The following SNX13 variants were observed in gnomAD, a reference collection of about 807,000 sequenced individuals.
SNX13 encodes the protein sorting nexin-13.
SNX13 carries 45 observed loss-of-function variants against 133.6 expected under a neutral mutation model. The observed-to-expected ratio is 0.34, with a 90% CI of 0.27 to 0.43. SNX13 has a LOEUF of 0.43. Among genes scored for constraint, SNX13 ranks in the 20% least tolerant of loss-of-function variants. The pLI is 1.00. For synonymous variants in SNX13, 414 were observed against 373.9 expected (o/e 1.11, Z -1.24); for missense variants, 1,032 against 1,145.1 (o/e 0.90, Z 1.43).
chr7:17,886,196 G>A (rs890380925), intron 5 of SNX13, among the ~76,000 whole-genome samples: 1 of 151,936 alleles, frequency 6.6e-6, no homozygotes, highest in African/African-American at 2.4e-5. Flanking sequence ...CACAGCCAGC[G>A]AATCCTGAAA....
rs1174886890 is a variant in SNX13, at chr7:17,890,366, G to C, written c.437C>G (p.Thr146Ser). 3 of 1,609,218 alleles carry C rather than the reference G, an allele frequency of 1.9e-6. No individual in the cohort carries two copies. The highest frequency in any genetic ancestry group is 2.2e-5 in the South Asian group (2 of 90,258). ...TLQNALIQFA[T>S]RSKEIDWQPY... ...AAATACAATGTCGTGTCCTTACCTA[G>C]TAGCAAACTGAATGAGTGCGTTTTG... The change falls in exon 5 of 26, where the codon ACT becomes AGT. Residue 146 changes from threonine (T) to serine (S), a missense_variant. By Grantham distance (58) the Thr-to-Ser change is moderately conservative (BLOSUM62 1). Transcript: ENST00000428135.
intron 23 of SNX13, 92 bp downstream of exon 23, chr7:17,798,917 T>A (rs1784339329): frequency 3.5e-6 from 5 of 1,448,132 alleles, no homozygotes; most frequent in Admixed American, 2.3e-5. Flanking sequence ...GAGAAAAAAA[T>A]TCTCCTACAA....
At chr7:17,794,757 A>G (rs1783871818) in intron 25 of SNX13, 1 of 152,040 alleles carries the variant, frequency 6.6e-6, no homozygotes, top group Admixed American at 6.6e-5. Flanking sequence ...ATGAATAGTG[A>G]CAAATGCTGT....
chr7:17,830,717 C>T (rs2691597), intron 15 of SNX13: 521,952 of 974,366 alleles, frequency 0.54, 143,233 homozygotes, highest in African/African-American at 0.82. Context: ...CCTTAGAGTT[C>T]TATTATAAAT....
chr7:17,838,430 A>G (rs1287819446), intron 13 of SNX13, among the ~76,000 whole-genome samples: 2 of 151,856 alleles, frequency 1.3e-5, no homozygotes, highest in African/African-American at 4.8e-5. Context: ...CAGAGAACCA[A>G]CTTTTGGTTT....
intron 8 of SNX13, among the ~76,000 whole-genome samples, chr7:17,870,848 A>C (rs1405725195): frequency 6.6e-6 from 1 of 152,178 alleles, no homozygotes; most frequent in Non-Finnish European, 1.5e-5. Context: ...AAATGCTATG[A>C]AGGAAAACAA....
At chr7:17,912,807 G>C (rs1267470131) in intron 1 of SNX13, among the ~76,000 whole-genome samples, 1 of 152,186 alleles carries the variant, frequency 6.6e-6, no homozygotes, top group Non-Finnish European at 1.5e-5. Flanking sequence ...TCTCAGGCCA[G>C]AGACTGAAGC....
At chr7:17,835,941 A>C (rs1180421740) in intron 13 of SNX13, among the ~76,000 whole-genome samples, 2 of 151,950 alleles carry the variant, frequency 1.3e-5, no homozygotes, top group Non-Finnish European at 2.9e-5. Flanking sequence ...AGAACTAAAC[A>C]GCTTCAAGTA....
intron 18 of SNX13, among the ~76,000 whole-genome samples, chr7:17,816,835 T>C (rs758595396): frequency 6.6e-6 from 1 of 152,240 alleles, no homozygotes; most frequent in African/African-American, 2.4e-5. Context: ...TTTGCATAAA[T>C]GATGAAGATG....
rs752684610 is a variant in SNX13 at position 17,826,096 on chromosome 7, G to GA, written c.1636-6dup. The GA allele has an allele frequency of 4.1e-4, 590 of 1,455,960 alleles. No homozygotes were observed. Among genetic ancestry groups the GA allele is most frequent in the South Asian group, 1.1e-3 (75 of 67,180 alleles). 90.2% of individuals were successfully genotyped at this position (1,455,960 alleles called of 1,614,324 possible). ...ATTTGAAAGGTCATCTAAAGACTGA[G>GA]AAAAAAAAATCAGGAAACAAATTTT... On this transcript the variant is annotated splice_polypyrimidine_tract_variant and splice_region_variant and intron_variant, in intron 16 of 25. Transcript: ENST00000428135.
At chr7:17,796,142 C>T (rs1051680006) in intron 25 of SNX13, 1 of 151,552 alleles carries the variant, frequency 6.6e-6, no homozygotes, top group South Asian at 2.1e-4. Context: ...ACCTCCCAGC[C>T]GCATTAAATT....
At chr7:17,938,730 TG>T (rs1333599078) in intron 1 of SNX13, among the ~76,000 whole-genome samples, 1 of 152,232 alleles carries the variant, frequency 6.6e-6, no homozygotes, top group Non-Finnish European at 1.5e-5. Flanking sequence ...GTAGTTCATT[TG>T]AAAGTATTAA....
intron 16 of SNX13, among the ~76,000 whole-genome samples, chr7:17,827,652 C>A (rs1213539943): frequency 6.6e-6 from 1 of 151,874 alleles, no homozygotes; most frequent in Non-Finnish European, 1.5e-5. Context: ...ACTACCAATA[C>A]CTTAAGAGAC....
chr7:17,815,116 T>C (rs867500227), intron 19 of SNX13, among the ~76,000 whole-genome samples, 172 bp from the exon 20 acceptor site: 1 of 152,330 alleles, frequency 6.6e-6, no homozygotes, highest in Middle Eastern at 3.4e-3. Context: ...AATAATTTTA[T>C]GACGATTAAC....
At chr7:17,802,391 T>C (rs1024517058) in intron 21 of SNX13, among the ~76,000 whole-genome samples, 1 of 152,192 alleles carries the variant, frequency 6.6e-6, no homozygotes, top group East Asian at 1.9e-4. Flanking sequence ...TGTTAATATG[T>C]TTAAGAAATT....
chr7:17,920,251 A>G (rs1799988215), intron 1 of SNX13, among the ~76,000 whole-genome samples: 1 of 152,228 alleles, frequency 6.6e-6, no homozygotes. Context: ...ATGATATACT[A>G]TAATTATGTG....
At chr7:17,929,516 T>C (rs1255630408) in intron 1 of SNX13, among the ~76,000 whole-genome samples, 1 of 152,076 alleles carries the variant, frequency 6.6e-6, no homozygotes, top group Non-Finnish European at 1.5e-5. Context: ...TCAAGTCAAC[T>C]ACATATTTTT....
chr7:17,836,083 A>AC, intron 13 of SNX13, among the ~76,000 whole-genome samples: 1 of 152,116 alleles, frequency 6.6e-6, no homozygotes, highest in East Asian at 1.9e-4. Context: ...GTTTATTTAA[A>AC]CTTTACTTTT....
At chr7:17,892,296 T>C (rs910183660) in intron 3 of SNX13, among the ~76,000 whole-genome samples, 26 of 151,980 alleles carry the variant, frequency 1.7e-4, no homozygotes, top group Admixed American at 1.5e-3. Context: ...ATTTTAGAAA[T>C]AGCAAATAAA....
Sources: gnomAD v4.1 joint callset for allele counts (sites outside exome capture counted in the v4.1 genomes callset) on GRCh38, gnomAD v4.1.1 for gene constraint, MANE v1.5 for transcripts, NCBI Gene and HGNC (gene_info 2026-07-23, HGNC 2026-07-21) for gene names.